Variants in OSBPL9 observed in about 807,000 individuals in gnomAD.
OSBPL9 encodes the protein oxysterol-binding protein-related protein 9.
Under a neutral mutation model 106.6 loss-of-function variants are expected in OSBPL9, and 40 were observed. The ratio of observed to expected loss-of-function variants is 0.38; its 90% confidence interval spans 0.29 to 0.49. The LOEUF is 0.49. OSBPL9 is among the 20% of genes least tolerant of loss of function. OSBPL9 has a pLI of 0.97. For synonymous variants in OSBPL9, 269 were observed against 295.4 expected (o/e 0.91, Z 0.92); for missense variants, 609 against 887.2 (o/e 0.69, Z 3.98).
At chr1:51,568,256 C>T in the OSBPL9 span, among the ~76,000 whole-genome samples, 1 of 152,186 alleles carries the variant, frequency 6.6e-6, no homozygotes, top group Admixed American at 6.5e-5. Flanking sequence ...ACCAGAAACC[C>T]CTTCTGTGTC....
the OSBPL9 span, among the ~76,000 whole-genome samples, chr1:51,570,967 T>G: frequency 0.16 from 24,067 of 151,806 alleles, 3,707 homozygotes; most frequent in African/African-American, 0.4. Flanking sequence ...GATTATAGGT[T>G]CCCGCCACCA....
chr1:51,624,629 C>T (rs926884598), intron 1 of OSBPL9, among the ~76,000 whole-genome samples: 1 of 151,940 alleles, frequency 6.6e-6, no homozygotes, highest in Non-Finnish European at 1.5e-5. Context: ...TAAATCCAAA[C>T]ACCCTGAAAA....
At chr1:51,724,627 A>G (rs1662779370) in intron 4 of OSBPL9, 1 of 152,844 alleles carries the variant, frequency 6.5e-6, no homozygotes, top group Non-Finnish European at 1.5e-5. Context: ...GTCAGATGTA[A>G]TTTTTATTTT....
At chr1:51,738,877 T>A (rs1666284179) in intron 4 of OSBPL9, among the ~76,000 whole-genome samples, 1 of 152,002 alleles carries the variant, frequency 6.6e-6, no homozygotes, top group African/African-American at 2.4e-5. Flanking sequence ...TAGTGGTGAA[T>A]CCTGGTTATC....
At chr1:51,657,778 G>A (rs1026729587) in intron 2 of OSBPL9, among the ~76,000 whole-genome samples, 1 of 152,132 alleles carries the variant, frequency 6.6e-6, no homozygotes, top group African/African-American at 2.4e-5. Context: ...GATAATATCT[G>A]GAAAATGGAG....
intron 4 of OSBPL9, among the ~76,000 whole-genome samples, chr1:51,721,353 T>G (rs994458728): frequency 4.6e-5 from 7 of 152,126 alleles, no homozygotes; most frequent in African/African-American, 1.7e-4. Flanking sequence ...GGTGGTCCAA[T>G]TACTTTTGCA....
chr1:51,587,116 A>G (rs1042565969), intron 1 of OSBPL9, among the ~76,000 whole-genome samples: 13 of 152,206 alleles, frequency 8.5e-5, no homozygotes, highest in African/African-American at 3.1e-4. Context: ...CTGTAATCCC[A>G]GCACTTTGGG....
chr1:51,693,836 G>T (rs1655486153), intron 3 of OSBPL9, among the ~76,000 whole-genome samples: 1 of 152,144 alleles, frequency 6.6e-6, no homozygotes, highest in South Asian at 2.1e-4. Context: ...TGAACCATCT[G>T]ATTATCTAAG....
chr1:51,595,366 C>A (rs1210711598), intron 1 of OSBPL9, among the ~76,000 whole-genome samples: 1 of 152,152 alleles, frequency 6.6e-6, no homozygotes, highest in Non-Finnish European at 1.5e-5. Flanking sequence ...TCCTTCTATC[C>A]TTCCATCCAT....
intron 1 of OSBPL9, among the ~76,000 whole-genome samples, chr1:51,593,008 T>G (rs966571952): frequency 2.0e-5 from 3 of 152,154 alleles, no homozygotes; most frequent in African/African-American, 7.2e-5. Flanking sequence ...CATCAGGAAG[T>G]AGGGGACCTT....
intron 3 of OSBPL9, among the ~76,000 whole-genome samples, chr1:51,679,812 A>C (rs763154365): frequency 2.0e-4 from 30 of 152,220 alleles, no homozygotes; most frequent in African/African-American, 3.1e-4. Flanking sequence ...CCAGAGCTCT[A>C]GAGTAGTGAT....
intron 2 of OSBPL9, among the ~76,000 whole-genome samples, chr1:51,653,053 C>A (rs1646615886): frequency 6.6e-6 from 1 of 152,014 alleles, no homozygotes; most frequent in Non-Finnish European, 1.5e-5. Flanking sequence ...GAGAAAGACA[C>A]CAAATTATAA....
chr1:51,546,934 C>G, the OSBPL9 span, among the ~76,000 whole-genome samples: 1 of 152,122 alleles, frequency 6.6e-6, no homozygotes, highest in African/African-American at 2.4e-5. Flanking sequence ...CAAAGTACCA[C>G]AGAAATGCTA....
At chr1:51,616,979 C>G, upstream of OSBPL9, 3 of 1,481,494 alleles carry the variant, frequency 2.0e-6, no homozygotes, top group Admixed American at 2.2e-5. Flanking sequence ...GACTTGATCG[C>G]TGGAGCATCT....
intron 3 of OSBPL9, among the ~76,000 whole-genome samples, chr1:51,674,448 T>C (rs1650694246): frequency 1.3e-5 from 2 of 152,088 alleles, no homozygotes; most frequent in South Asian, 4.1e-4. Context: ...GCATCTGAAA[T>C]AGAGAATATA....
At chr1:51,534,570 G>A in the OSBPL9 span, among the ~76,000 whole-genome samples, 5 of 152,138 alleles carry the variant, frequency 3.3e-5, no homozygotes, top group Admixed American at 1.3e-4. Flanking sequence ...ATTCAGACCC[G>A]TTGAAGTGGA....
rs750791813 is a variant in OSBPL9, at chr1:51,761,959, C to A, written c.766C>A (p.Pro256Thr). Reference protein sequence around the residue: ...ATLGHHQTPTPNSTGSGHSPP... With the variant: ...ATLGHHQTPTTNSTGSGHSPP... Reference sequence around the variant, plus strand: ...CTTGGGACATCATCAGACTCCTACACCAAATAGTACAGGTACAGATTTGCA... The same window carrying A: ...CTTGGGACATCATCAGACTCCTACAACAAATAGTACAGGTACAGATTTGCA... Residue 256 changes from proline to threonine, a missense_variant, in exon 11 of 24, where the codon CCA (proline) becomes ACA (threonine). Physicochemically the swap from Pro to Thr is conservative, Grantham distance 38. This residue lies in a region of OSBPL9 where 356 missense variants were observed against 505.8 expected (regional missense o/e 0.70). Transcript: ENST00000428468. 3.1e-6 allele frequency: 5 copies of A among 1,600,132 alleles called. No homozygotes were observed. The Admixed American group carries it at 8.3e-5, about 27-fold the overall frequency.
chr1:51,596,359 A>C (rs1345653062), intron 1 of OSBPL9, among the ~76,000 whole-genome samples: 1 of 151,758 alleles, frequency 6.6e-6, no homozygotes, highest in Non-Finnish European at 1.5e-5. Context: ...GAAGAGTACA[A>C]CACCAGCCTG....
intron 1 of OSBPL9, among the ~76,000 whole-genome samples, chr1:51,579,747 G>A (rs191239714): frequency 6.6e-6 from 1 of 151,882 alleles, no homozygotes; most frequent in East Asian, 1.9e-4. Flanking sequence ...TGTAGTCCCA[G>A]CTACCTTGAG....
Sources: gnomAD v4.1 joint callset for allele counts (sites outside exome capture counted in the v4.1 genomes callset) on GRCh38, gnomAD v4.1.1 for gene constraint, gnomAD v4.1.1 regional missense constraint, MANE v1.5 for transcripts, NCBI Gene and HGNC (gene_info 2026-07-23, HGNC 2026-07-21) for gene names.